UBASH3A: variants seen among roughly 807,000 people sequenced by gnomAD.
The protein encoded by UBASH3A is ubiquitin-associated and SH3 domain-containing protein A.
In UBASH3A, 63 loss-of-function variants were observed where a neutral mutation model predicts 73.5. That is an observed-to-expected ratio of 0.86 (90% confidence interval 0.70 to 1.06). The LOEUF is 1.06. Among genes scored for constraint, UBASH3A ranks in the 50% least tolerant of loss-of-function variants. The pLI, the probability that UBASH3A is intolerant of heterozygous loss-of-function variation, is 0.00. For synonymous variants in UBASH3A, 363 were observed against 351.1 expected, an observed-to-expected ratio of 1.03 and a Z score of -0.38; for missense variants, 860 against 859.0, an observed-to-expected ratio of 1.00 and a Z score of -0.02.
In UBASH3A at chr21:42,443,411, A is replaced by G. The variant is rs868092; in HGVS notation, c.1731A>G (p.Pro577=). 1,157,599 of 1,604,834 alleles carry G rather than the reference A, an allele frequency of 0.72. 420,456 individuals are homozygous for G. Among genetic ancestry groups the G allele is most frequent in the Non-Finnish European group, 0.74 (874,011 of 1,175,292 alleles). The change falls in exon 13 of 15, where the codon CCA becomes CCG. Residue 577 remains proline (P), a synonymous_variant. Coordinates refer to ENST00000319294, the MANE Select transcript of UBASH3A (RefSeq NM_018961.4). ...TGGTGCAAATCGTCAACACCTGTCCACAGGACAGTAAGTGCCTCACCATCC... is the reference window on the plus strand; with the variant it reads ...TGGTGCAAATCGTCAACACCTGTCCGCAGGACAGTAAGTGCCTCACCATCC... The part of the protein sequence containing the change: ...ASMVQIVNTC[P]QDTGVILIVS...
At chr21:42,414,745 A>G (rs34544259) in intron 5 of UBASH3A, among the ~76,000 whole-genome samples, 67,083 of 152,076 alleles carry the variant, frequency 0.44, 15,192 homozygotes, top group African/African-American at 0.52. Flanking sequence ...GACCCTTCCC[A>G]GGAGCTTTCG....
intron 14 of UBASH3A, among the ~76,000 whole-genome samples, chr21:42,445,643 C>A (rs2053830988): frequency 6.6e-6 from 1 of 152,232 alleles, no homozygotes; most frequent in Admixed American, 6.5e-5. Flanking sequence ...AAGAGCATGC[C>A]TGCCGTGGGT....
chr21:42,447,206 A>C lies in UBASH3A; in HGVS notation c.*12A>C. The C allele has an allele frequency of 6.2e-7, 1 of 1,612,996 alleles. No individual in the cohort carries two copies. The highest frequency in any genetic ancestry group is 8.5e-7 in the Non-Finnish European group (1 of 1,179,616). ...TCTCAGGCAACTGAGAGCCACGGTG[A>C]TGTTGTCATAACCTCAGAGTGGAGA... On this transcript the variant is annotated 3_prime_UTR_variant, in exon 15 of 15. Coordinates refer to ENST00000319294, the MANE Select transcript of UBASH3A (RefSeq NM_018961.4).
chr21:42,433,163 T>A (rs2053565597), intron 9 of UBASH3A, among the ~76,000 whole-genome samples: 1 of 152,254 alleles, frequency 6.6e-6, no homozygotes, highest in Non-Finnish European at 1.5e-5. Flanking sequence ...GAAAATATTT[T>A]AAAGGCACTG....
Position 42,418,424 on chromosome 21 carries a change from C to A in UBASH3A, c.861C>A (p.Tyr287Ter). 1.9e-6 allele frequency: 3 copies of A among 1,614,184 alleles called. No homozygotes were observed. The highest frequency in any genetic ancestry group is 2.5e-6 in the Non-Finnish European group (3 of 1,180,018). The change falls in exon 7 of 15, where the codon TAC (tyrosine) becomes TAA (stop). Residue 287 changes from tyrosine (Y) to a stop codon, truncating the protein, a stop_gained. Transcript: ENST00000319294. LOFTEE classifies it high-confidence loss of function. ...AGACCCTGAGAGCCCTATTCCAGTA[C>A]AAACCCCAGAACGTGGATGAGCTGA... is the stretch of plus-strand genomic sequence containing the variant. Reference protein sequence around the residue: ...HYQTLRALFQYKPQNVDELTL... With the variant: ...HYQTLRALFQ
chr21:42,443,378 G>C lies in UBASH3A; in HGVS notation c.1698G>C (p.Thr566=). 1 of 1,613,106 alleles carries C rather than the reference G, an allele frequency of 6.2e-7. No homozygotes were observed. The highest frequency in any genetic ancestry group is 8.5e-7 in the Non-Finnish European group (1 of 1,179,512). Residue 566 remains threonine, a synonymous_variant, in exon 13 of 15, where the codon ACG becomes ACC. Transcript: ENST00000319294. ...ESYQEYMDRC[T]ASMVQIVNTC... ...ACCAGGAGTACATGGACAGGTGCAC[G>C]GCGAGCATGGTGCAAATCGTCAACA...
At position 42,447,320 on chromosome 21, in the gene UBASH3A, G is replaced by A. The variant is rs1601612023; in HGVS notation, c.*126G>A. On this transcript the variant is annotated 3_prime_UTR_variant, in exon 15 of 15. Transcript: ENST00000319294. ...AATGTGATTTGTAGAAGCACGAGAC[G>A]CACTTTTATATCCCGGAATATTTCC... 2.9e-5 allele frequency: 30 copies of A among 1,025,828 alleles called. 1 individual carries two copies. The highest frequency in any genetic ancestry group is 9.7e-5 in the South Asian group (6 of 61,962). 63.5% of individuals were successfully genotyped at this position (1,025,828 alleles called of 1,614,324 possible). A position where few individuals can be genotyped will look rare whatever the true frequency, so the allele number is the denominator to read the frequency against.
At chr21:42,435,078 C>A in intron 10 of UBASH3A, 124 bp downstream of exon 10, 2 of 1,282,424 alleles carry the variant, frequency 1.6e-6, no homozygotes, top group Non-Finnish European at 1.1e-6. Flanking sequence ...TGTCTCCAGT[C>A]TGCTGAGGAG....
In UBASH3A at chr21:42,413,455, A is replaced by T. The variant is rs1397526233; in HGVS notation, c.599A>T (p.His200Leu). Residue 200 changes from histidine to leucine, a missense_variant, in exon 5 of 15, where the codon CAT becomes CTT. By Grantham distance (99) the His-to-Leu change is moderately conservative. Coordinates refer to ENST00000319294, the MANE Select transcript of UBASH3A (RefSeq NM_018961.4). The surrounding 1 kb of genome is among the most constrained non-coding windows in gnomAD (Gnocchi z 4.5). ...TGGATTTTCAGCCAGGTGCCTGGAC[A>T]TGGCCCTAACCTGAGGCTGAGCAAT... ...RFWIFSQVPG[H>L]GPNLRLSNLT... 1 of 1,614,044 alleles carries T rather than the reference A, an allele frequency of 6.2e-7. No individual in the cohort carries two copies. Among genetic ancestry groups the T allele is most frequent in the African/African-American group, 1.3e-5 (1 of 74,932 alleles).
intron 12 of UBASH3A, 81 bp from the exon 13 acceptor site, chr21:42,443,231 C>A: frequency 6.8e-7 from 1 of 1,481,130 alleles, no homozygotes; most frequent in Non-Finnish European, 9.0e-7. Flanking sequence ...GAACGTTCTC[C>A]TTCCCCAGCT....
intron 7 of UBASH3A, among the ~76,000 whole-genome samples, chr21:42,424,382 C>T (rs752240766): frequency 2.0e-5 from 3 of 152,350 alleles, no homozygotes; most frequent in South Asian, 2.1e-4. Context: ...CCGTGCCAGA[C>T]GGTGCAGGGA....
chr21:42,439,362 C>T (rs1204707472), intron 11 of UBASH3A, among the ~76,000 whole-genome samples: 2 of 152,192 alleles, frequency 1.3e-5, no homozygotes, highest in Admixed American at 1.3e-4. Flanking sequence ...GGACCCCACC[C>T]CTCTGCACGG....
At chr21:42,437,679 C>A (rs925282562) in intron 11 of UBASH3A, 99 bp downstream of exon 11, 1 of 1,050,032 alleles carries the variant, frequency 9.5e-7, no homozygotes, top group East Asian at 2.4e-5. Flanking sequence ...GGATGACTGG[C>A]AATGAATGCC....
chr21:42,435,015 G>C, intron 10 of UBASH3A, 61 bp downstream of exon 10: 1 of 1,592,264 alleles, frequency 6.3e-7, no homozygotes, highest in Non-Finnish European at 8.6e-7. Flanking sequence ...ATTATGGCTA[G>C]CAGGCATCCA....
Position 42,413,344 on chromosome 21 carries a change from C to T in UBASH3A, c.554-66C>T. ...TGGGTTCCAGGGGAGCAGAGCCCAG[C>T]AGCAATGGTGGGATGGCTGGGTGGG... On this transcript the variant is annotated intron_variant, in intron 4 of 14. Coordinates refer to ENST00000319294, the MANE Select transcript of UBASH3A (RefSeq NM_018961.4). This position sits in a 1 kb window ranked among gnomAD's most constrained non-coding sequence, Gnocchi z 4.5. 1 of 1,543,224 alleles carries T rather than the reference C, an allele frequency of 6.5e-7. No homozygotes were observed. Among genetic ancestry groups the T allele is most frequent in the African/African-American group, 1.4e-5 (1 of 73,732 alleles).
chr21:42,425,152 A>T (rs1182591568), intron 7 of UBASH3A, among the ~76,000 whole-genome samples: 1 of 152,234 alleles, frequency 6.6e-6, no homozygotes, highest in Non-Finnish European at 1.5e-5. Context: ...ACCAGGGAGA[A>T]TTCAAACACA....
chr21:42,431,396 C>T (rs992420423), intron 8 of UBASH3A, among the ~76,000 whole-genome samples: 1 of 152,264 alleles, frequency 6.6e-6, no homozygotes, highest in African/African-American at 2.4e-5. Context: ...GGCCATCCTG[C>T]GGCTGCCTGA....
At chr21:42,409,309 C>A in intron 2 of UBASH3A, 113 bp from the exon 3 acceptor site, 2 of 1,077,202 alleles carry the variant, frequency 1.9e-6, no homozygotes, top group Non-Finnish European at 2.6e-6. Context: ...ATGATGTCTT[C>A]AGTGTGCCCT....
chr21:42,447,295 A>G lies in UBASH3A; in HGVS notation c.*101A>G, dbSNP rs553279906. The G allele has an allele frequency of 1.3e-4, 164 of 1,298,856 alleles. No individual in the cohort carries two copies. The highest frequency in any genetic ancestry group is 1.6e-4 in the Non-Finnish European group (151 of 944,982). The allele number at this position is 1,298,856 out of a possible 1,614,324, so 80.5% of individuals were successfully genotyped here. ...TTCCAGAGGCGTCTTAGTCTCACCC[A>G]ATGTGATTTGTAGAAGCACGAGACG... On this transcript the variant is annotated 3_prime_UTR_variant, in exon 15 of 15. Transcript: ENST00000319294.
Sources: allele counts gnomAD v4.1 joint callset (sites outside exome capture counted in the v4.1 genomes callset), GRCh38; gene constraint gnomAD v4.1.1; non-coding constraint Gnocchi (gnomAD v3.1); transcripts MANE v1.5; gene names NCBI Gene and HGNC (gene_info 2026-07-23, HGNC 2026-07-21).